RAB30: variants seen among roughly 807,000 people sequenced by gnomAD.
RAB30 encodes RAB30, member RAS oncogene family, also known as ras-related protein Rab-30.
In RAB30, 9 loss-of-function variants were observed where a neutral mutation model predicts 25.1. The ratio of observed to expected loss-of-function variants is 0.36; its 90% confidence interval spans 0.22 to 0.63. RAB30 has a LOEUF of 0.63. Among genes scored for constraint, RAB30 ranks in the 20% least tolerant of loss-of-function variants. The pLI is 0.69. For missense variants in RAB30, 140 were observed against 243.5 expected, an observed-to-expected ratio of 0.58 and a Z score of 2.83; for synonymous variants, 77 against 86.4, an observed-to-expected ratio of 0.89 and a Z score of 0.60.
chr11:83,045,719 T>C (rs1360709988), intron 1 of RAB30, among the ~76,000 whole-genome samples: 1 of 152,240 alleles, frequency 6.6e-6, no homozygotes, highest in Non-Finnish European at 1.5e-5. Flanking sequence ...ATTGAGTTAC[T>C]GTCAGAACTG....
At chr11:83,059,349 G>A (rs1312104748) in intron 1 of RAB30, among the ~76,000 whole-genome samples, 1 of 151,988 alleles carries the variant, frequency 6.6e-6, no homozygotes, top group Non-Finnish European at 1.5e-5. Context: ...ATATATCCTT[G>A]GAGATTTTTC....
At chr11:82,991,947 T>C (rs78148534) in intron 3 of RAB30, among the ~76,000 whole-genome samples, 2,508 of 152,312 alleles carry the variant, frequency 0.016, 85 homozygotes, top group African/African-American at 0.058. Context: ...TATTTATGCC[T>C]GGGAATTCAG....
intron 1 of RAB30, among the ~76,000 whole-genome samples, chr11:83,070,165 A>T (rs1795265295): frequency 6.6e-6 from 1 of 152,152 alleles, no homozygotes; most frequent in South Asian, 2.1e-4. Context: ...AAAGTACAGG[A>T]GAGAAGGGTA....
intron 1 of RAB30, among the ~76,000 whole-genome samples, chr11:83,019,705 CATTCTCTGATTCAAAT>C (rs1857521786): frequency 6.6e-6 from 1 of 152,248 alleles, no homozygotes; most frequent in Non-Finnish European, 1.5e-5. Context: ...GTCTTATAAT[CATTCTCTGATTCAAAT>C]ATCAGAGTGG....
At chr11:83,032,587 C>G (rs979754410) in intron 1 of RAB30, among the ~76,000 whole-genome samples, 1 of 152,232 alleles carries the variant, frequency 6.6e-6, no homozygotes, top group African/African-American at 2.4e-5. Context: ...ACCTCAGCCA[C>G]CTGAGTAGCT....
intron 1 of RAB30, among the ~76,000 whole-genome samples, chr11:83,001,984 A>T (rs1334037828): frequency 6.6e-6 from 1 of 152,130 alleles, no homozygotes; most frequent in Admixed American, 6.5e-5. Flanking sequence ...AAGTACTCAT[A>T]TTATTATCCC....
At chr11:82,999,424 C>T (rs775672467) in intron 1 of RAB30, among the ~76,000 whole-genome samples, 6 of 152,198 alleles carry the variant, frequency 3.9e-5, no homozygotes, top group Non-Finnish European at 7.3e-5. Flanking sequence ...CCTCAGCTTC[C>T]CCATCAACAA....
rs1293327895 is a variant in RAB30, at chr11:82,978,345, T to C, written c.*3820A>G. On this transcript the variant is annotated 3_prime_UTR_variant, in exon 5 of 5. Coordinates refer to ENST00000527633, the MANE Select transcript of RAB30 (RefSeq NM_001286060.2). ...ACAAGATTAAGAAATAAAAAAGACATTAGATTTTTGCCCTAAATGACAGGT... is the reference window on the plus strand; with the variant it reads ...ACAAGATTAAGAAATAAAAAAGACACTAGATTTTTGCCCTAAATGACAGGT... 1 of 152,174 alleles carries C rather than the reference T, an allele frequency of 6.6e-6. No homozygotes were observed. Among genetic ancestry groups the C allele is most frequent in the Admixed American group, 6.5e-5 (1 of 15,274 alleles). 9.4% of individuals were successfully genotyped at this position (152,174 alleles called of 1,614,324 possible).
chr11:83,057,369 A>T (rs1000009144), intron 1 of RAB30, among the ~76,000 whole-genome samples: 8 of 152,238 alleles, frequency 5.3e-5, no homozygotes, highest in African/African-American at 1.9e-4. Context: ...CAATTCCTGT[A>T]GGACATGAAT....
At chr11:83,009,899 C>G (rs558975945) in intron 1 of RAB30, among the ~76,000 whole-genome samples, 22 of 152,288 alleles carry the variant, frequency 1.4e-4, no homozygotes, top group Non-Finnish European at 2.6e-4. Flanking sequence ...CTACAGAATG[C>G]TTCCTAAATG....
chr11:83,009,948 G>A (rs1364945906), intron 1 of RAB30, among the ~76,000 whole-genome samples: 1 of 152,140 alleles, frequency 6.6e-6, no homozygotes, highest in Non-Finnish European at 1.5e-5. Flanking sequence ...TTTACTTTCT[G>A]TAGAGATGTG....
At chr11:83,040,735 T>A (rs1858091169) in intron 1 of RAB30, 1 of 153,072 alleles carries the variant, frequency 6.5e-6, no homozygotes, top group Admixed American at 6.5e-5. Context: ...GAATCTTCTT[T>A]TTCTGGACAG....
At chr11:83,054,698 G>GAA (rs34041776) in intron 1 of RAB30, among the ~76,000 whole-genome samples, 9 of 147,368 alleles carry the variant, frequency 6.1e-5, no homozygotes, top group Non-Finnish European at 1.1e-4. Context: ...CTGTGTCTAC[G>GAA]AAAAAAAAAA....
intron 2 of RAB30, among the ~76,000 whole-genome samples, chr11:82,996,172 C>T (rs962631420): frequency 6.6e-6 from 1 of 152,196 alleles, no homozygotes; most frequent in Admixed American, 6.5e-5. Flanking sequence ...AAAACCCTGA[C>T]ATTTCCAAAG....
At position 82,977,071 on chromosome 11, in the gene RAB30, C is replaced by G. The variant is rs982128715; in HGVS notation, c.*5094G>C. 3.9e-5 allele frequency: 6 copies of G among 152,190 alleles called. No homozygotes were observed. Among genetic ancestry groups the G allele is most frequent in the African/African-American group, 1.4e-4 (6 of 41,460 alleles). The allele number at this position is 152,190 out of a possible 1,614,324, so 9.4% of individuals were successfully genotyped here. On this transcript the variant is annotated 3_prime_UTR_variant, in exon 5 of 5. Coordinates refer to ENST00000527633, the MANE Select transcript of RAB30 (RefSeq NM_001286060.2). ...TTTGTGAGAACTTTAACAGAAGATT[C>G]TGCTCTGTTAAAAAGGCCTATCCTA...
intron 1 of RAB30, among the ~76,000 whole-genome samples, chr11:83,066,676 G>C (rs575074973): frequency 1.3e-5 from 2 of 152,174 alleles, no homozygotes; most frequent in Admixed American, 1.3e-4. Flanking sequence ...TCAGCCTCCT[G>C]AGTAGCTGGG....
chr11:82,989,908 GCACATGGAGTATATAAAGATGAATAAAA>G (rs1856816948), intron 3 of RAB30, among the ~76,000 whole-genome samples: 1 of 152,190 alleles, frequency 6.6e-6, no homozygotes, highest in Admixed American at 6.5e-5. Flanking sequence ...ACTGTGCTAG[GCACATGGAGTATATAAAGATGAATAAAA>G]CACAGGGAGG....
At chr11:83,009,126 T>C (rs1422432344) in intron 1 of RAB30, among the ~76,000 whole-genome samples, 1 of 150,788 alleles carries the variant, frequency 6.6e-6, no homozygotes, top group Non-Finnish European at 1.5e-5. Context: ...TGAAGTACAA[T>C]GGTGAGATCC....
At chr11:83,004,003 C>A (rs1445097282) in intron 1 of RAB30, among the ~76,000 whole-genome samples, 2 of 152,134 alleles carry the variant, frequency 1.3e-5, no homozygotes, top group African/African-American at 4.8e-5. Context: ...TAAATACTAT[C>A]ACCCAATCTT....
Sources: gnomAD v4.1 joint callset for allele counts (sites outside exome capture counted in the v4.1 genomes callset) on GRCh38, gnomAD v4.1.1 for gene constraint, MANE v1.5 for transcripts, NCBI Gene and HGNC (gene_info 2026-07-23, HGNC 2026-07-21) for gene names.